Variants in CNOT6L observed in about 807,000 individuals in gnomAD.
CNOT6L encodes the protein CCR4-NOT transcription complex subunit 6 like.
CNOT6L carries 7 observed loss-of-function variants against 64.0 expected under a neutral mutation model. The observed-to-expected ratio is 0.11, with a 90% CI of 0.06 to 0.21. The LOEUF is 0.21. Among genes scored for constraint, CNOT6L ranks in the 10% least tolerant of loss-of-function variants. CNOT6L has a pLI of 1.00. For missense variants in CNOT6L, 245 were observed against 669.0 expected (o/e 0.37, Z 6.99); for synonymous variants, 193 against 243.4 (o/e 0.79, Z 1.93).
At position 77,760,860 on chromosome 4, in the gene CNOT6L, CTTT is replaced by C. The variant is rs754195745; in HGVS notation, c.401-3912_401-3910del. ...TACAGGTGCACACCACCATGCCTGG[CTTT>C]TTTTTTTTTTTTTTTTTTTTTTTTT... is the stretch of plus-strand genomic sequence containing the variant. On this transcript the variant is annotated intron_variant, in intron 4 of 11. Transcript: ENST00000504123. 4.2e-3 allele frequency among the ~76,000 whole-genome samples: 126 copies of C among 29,934 alleles called. 1 individual carries two copies. Among genetic ancestry groups the C allele is most frequent in the East Asian group, 0.026 (31 of 1,184 alleles). 19.6% of individuals were successfully genotyped at this position (29,934 alleles called of 152,430 possible).
intron 1 of CNOT6L, among the ~76,000 whole-genome samples, chr4:77,809,104 T>C (rs760550059): frequency 6.6e-6 from 1 of 152,122 alleles, no homozygotes; most frequent in Non-Finnish European, 1.5e-5. Context: ...GAATATTATC[T>C]CCCTATTACA....
At chr4:77,738,773 G>T (rs1251233437) in intron 8 of CNOT6L, among the ~76,000 whole-genome samples, 5 of 92,344 alleles carry the variant, frequency 5.4e-5, no homozygotes, top group Non-Finnish European at 4.8e-5. Context: ...AAAAAAAAAT[G>T]TATTTACAAC....
chr4:77,727,597 G>GAAAAAAAAAAAAAAAAAAAAAAAAAAAAA (rs1722016875), intron 10 of CNOT6L, among the ~76,000 whole-genome samples: 1 of 124,580 alleles, frequency 8.0e-6, no homozygotes. Flanking sequence ...AAAAAAAAAG[G>GAAAAAAAAAAAAAAAAAAAAAAAAAAAAA]AAAAATGAGG....
At chr4:77,766,308 T>C (rs1726811959) in intron 4 of CNOT6L, among the ~76,000 whole-genome samples, 1 of 152,110 alleles carries the variant, frequency 6.6e-6, no homozygotes, top group South Asian at 2.1e-4. Context: ...CTTGATAAAA[T>C]ATCTGAAAAT....
At chr4:77,745,506 A>G (rs1724091701) in intron 6 of CNOT6L, among the ~76,000 whole-genome samples, 2 of 152,184 alleles carry the variant, frequency 1.3e-5, no homozygotes, top group African/African-American at 4.8e-5. Flanking sequence ...TCAGTAATCA[A>G]TCACCTGGGA....
rs114509154 is a variant in CNOT6L, at chr4:77,742,062, G to A, written c.872+79C>T. ...TCTAGCTTTCTGTTGATTTTATAGG[G>A]CAAAACCAAAGACAATTTTAAAGTG... On this transcript the variant is annotated intron_variant, in intron 8 of 11. Transcript: ENST00000504123. The A allele has an allele frequency of 3.5e-3, 4,662 of 1,341,836 alleles. 39 individuals carry two copies. The highest frequency in any genetic ancestry group is 0.033 in the Admixed American group (1,300 of 39,820). The allele number at this position is 1,341,836 out of a possible 1,614,324, so 83.1% of individuals were successfully genotyped here. A position where few individuals can be genotyped will look rare whatever the true frequency, so the allele number is the denominator to read the frequency against.
chr4:77,737,403 GTTCTTTTTTTTTTTT>G (rs1723081246), intron 8 of CNOT6L, among the ~76,000 whole-genome samples: 1 of 116,048 alleles, frequency 8.6e-6, no homozygotes, highest in Non-Finnish European at 1.7e-5. Context: ...TATTTGTACC[GTTCTTTTTTTTTTTT>G]TTTTTTTTTT....
intron 1 of CNOT6L, among the ~76,000 whole-genome samples, chr4:77,778,864 G>A (rs568002941): frequency 6.6e-6 from 1 of 151,456 alleles, no homozygotes; most frequent in Admixed American, 6.6e-5. Context: ...CTAACACGGT[G>A]AAACCCCGTC....
intron 1 of CNOT6L, among the ~76,000 whole-genome samples, chr4:77,778,904 G>A (rs1194469586): frequency 1.3e-5 from 2 of 151,576 alleles, no homozygotes; most frequent in African/African-American, 2.4e-5. Context: ...AAAATTAGCG[G>A]GGCGTGGTGG....
chr4:77,799,433 G>A (rs1013021285), intron 1 of CNOT6L, among the ~76,000 whole-genome samples: 2 of 151,980 alleles, frequency 1.3e-5, no homozygotes, highest in African/African-American at 4.8e-5. Flanking sequence ...GGATGGGTGT[G>A]GTGGTTCACG....
intron 4 of CNOT6L, among the ~76,000 whole-genome samples, chr4:77,762,173 T>G (rs1412469345): frequency 6.6e-6 from 1 of 152,174 alleles, no homozygotes; most frequent in Non-Finnish European, 1.5e-5. Flanking sequence ...ATCTGTATAT[T>G]CAACATAATC....
At chr4:77,767,851 AGCCT>A (rs1727025613) in intron 4 of CNOT6L, among the ~76,000 whole-genome samples, 1 of 151,664 alleles carries the variant, frequency 6.6e-6, no homozygotes. Flanking sequence ...TGGTGGCGGG[AGCCT>A]GTAATCCCAG....
intron 1 of CNOT6L, among the ~76,000 whole-genome samples, chr4:77,790,451 G>A (rs1453740816): frequency 1.3e-5 from 2 of 152,124 alleles, no homozygotes; most frequent in African/African-American, 4.8e-5. Context: ...TGGATCATAT[G>A]GTAAGAGTAT....
chr4:77,729,858 CAT>C (rs1024095683), intron 9 of CNOT6L, among the ~76,000 whole-genome samples: 22 of 151,740 alleles, frequency 1.4e-4, no homozygotes, highest in Admixed American at 8.5e-4. Context: ...GAAAATTAAA[CAT>C]AGTTAACATT....
rs763442142 is a variant in CNOT6L at position 77,720,437 on chromosome 4, C to G, written c.1662G>C (p.Arg554=). The G allele has an allele frequency of 2.0e-5, 33 of 1,613,330 alleles. No individual in the cohort carries two copies. Among genetic ancestry groups the G allele is most frequent in the Non-Finnish European group, 2.6e-5 (31 of 1,179,514 alleles). Residue 554 remains arginine, a synonymous_variant, in exon 12 of 12, where the codon CGG becomes CGC. Coordinates refer to ENST00000504123, the MANE Select transcript of CNOT6L (RefSeq NM_144571.3). ...TTGGCGGGGCAGTACTCCACTACCT[C>G]CGATTAGGCAAGTGAACACCATTGA... ...PLVNGVHLPN[R]R
chr4:77,747,559 TATC>T (rs1724338264), intron 6 of CNOT6L, among the ~76,000 whole-genome samples: 1 of 150,994 alleles, frequency 6.6e-6, no homozygotes, highest in South Asian at 2.1e-4. Flanking sequence ...TGAAATTAGA[TATC>T]ATGAAAATTA....
chr4:77,738,604 T>C (rs555759423), intron 8 of CNOT6L, among the ~76,000 whole-genome samples: 1 of 151,874 alleles, frequency 6.6e-6, no homozygotes, highest in East Asian at 1.9e-4. Flanking sequence ...AAACACAAAA[T>C]TAGTCAGGCA....
chr4:77,796,496 G>A (rs1261629096), intron 1 of CNOT6L, among the ~76,000 whole-genome samples: 2 of 152,062 alleles, frequency 1.3e-5, no homozygotes, highest in African/African-American at 4.8e-5. Flanking sequence ...GCCATGCTAA[G>A]ACATGCTTGC....
Position 77,742,193 on chromosome 4 carries a change from C to CAG in CNOT6L, c.818_819dup (p.Glu274LeufsTer8), listed in dbSNP as rs1723670697. ...CCATCTACATGCTTTCTCTCCTGCT[C>CAG]AGACATGATTTTGGCACGTGACTTT... On this transcript the variant is annotated frameshift_variant, in exon 8 of 12. Coordinates refer to ENST00000504123, the MANE Select transcript of CNOT6L (RefSeq NM_144571.3). LOFTEE classifies it high-confidence loss of function. 6.2e-7 allele frequency: 1 copy of CAG among 1,613,446 alleles called. No individual in the cohort carries two copies. The highest frequency in any genetic ancestry group is 8.5e-7 in the Non-Finnish European group (1 of 1,179,676).
Sources: allele counts gnomAD v4.1 joint callset (sites outside exome capture counted in the v4.1 genomes callset), GRCh38; gene constraint gnomAD v4.1.1; transcripts MANE v1.5; gene names NCBI Gene and HGNC (gene_info 2026-07-23, HGNC 2026-07-21).